The following MCRS1 variants were observed in gnomAD, a reference collection of about 807,000 sequenced individuals.
MCRS1 encodes the protein microspherule protein 1.
Under a neutral mutation model 62.9 loss-of-function variants are expected in MCRS1, and 22 were observed. The observed-to-expected ratio is 0.35, with a 90% CI of 0.25 to 0.50. The LOEUF is 0.50. Among genes scored for constraint, MCRS1 ranks in the 20% least tolerant of loss-of-function variants. MCRS1 has a pLI of 0.98. For synonymous variants in MCRS1, 244 were observed against 233.5 expected (o/e 1.04, Z -0.41); for missense variants, 456 against 601.1 (o/e 0.76, Z 2.52).
At chr12:49,567,043 C>T (rs1374937517) in intron 1 of MCRS1, among the ~76,000 whole-genome samples, 1 of 152,224 alleles carries the variant, frequency 6.6e-6, no homozygotes, top group Non-Finnish European at 1.5e-5. Flanking sequence ...AGTATGATAA[C>T]AGCTATGGAC....
chr12:49,564,989 A>G (rs1938978441), intron 4 of MCRS1, 94 bp from the exon 5 acceptor site: 1 of 1,446,610 alleles, frequency 6.9e-7, no homozygotes. Context: ...TGGCAGCGGC[A>G]GCCCCAGCCC....
At position 49,559,791 on chromosome 12, in the gene MCRS1, C is replaced by T. The variant is rs980463275; in HGVS notation, c.941G>A (p.Arg314Gln). 2.0e-5 allele frequency: 33 copies of T among 1,614,094 alleles called. No homozygotes were observed. The highest frequency in any genetic ancestry group is 2.7e-5 in the African/African-American group (2 of 74,950). Reference protein sequence around the residue: ...ELMVADRRQKREIRQLEQELH... With the variant: ...ELMVADRRQKQEIRQLEQELH... Reference sequence around the variant, plus strand: ...TTCCTGTTCCAGCTGCCGAATCTCTCGCTTCTGGCGCCGGTCAGCCACCAT... The same window carrying T: ...TTCCTGTTCCAGCTGCCGAATCTCTTGCTTCTGGCGCCGGTCAGCCACCAT... The change falls in exon 11 of 15, where the codon CGA (arginine) becomes CAA (glutamine). Residue 314 changes from arginine (R) to glutamine (Q), a missense_variant. Arg to Gln is a conservative substitution (Grantham distance 43). Transcript: ENST00000343810. This position sits in a 1 kb window ranked among gnomAD's most constrained non-coding sequence, Gnocchi z 5.2.
At position 49,559,750 on chromosome 12, in the gene MCRS1, C is replaced by A; in HGVS notation, c.982G>T (p.Val328Leu). 1 of 1,614,206 alleles carries A rather than the reference C, an allele frequency of 6.2e-7. No individual in the cohort carries two copies. ...TCACCTGTGATGCTGTCCACTAGCACCTGCCACTTATGCAGTTCCTGTTCC... is the reference window on the plus strand; with the variant it reads ...TCACCTGTGATGCTGTCCACTAGCAACTGCCACTTATGCAGTTCCTGTTCC... The part of the protein sequence containing the change: ...QLEQELHKWQ[V>L]LVDSITGMSS... The change falls in exon 11 of 15, where the codon GTG (valine) becomes TTG (leucine). Residue 328 changes from valine to leucine, a missense_variant. By Grantham distance (32) the Val-to-Leu change is conservative. Coordinates refer to ENST00000343810, the MANE Select transcript of MCRS1 (RefSeq NM_006337.5). This position sits in a 1 kb window ranked among gnomAD's most constrained non-coding sequence, Gnocchi z 5.2.
chr12:49,559,344 G>T lies in MCRS1; in HGVS notation c.1087-43C>A, dbSNP rs778094784. The T allele has an allele frequency of 1.2e-6, 2 of 1,607,632 alleles. No individual in the cohort carries two copies. Among genetic ancestry groups the T allele is most frequent in the South Asian group, 2.2e-5 (2 of 90,928 alleles). On this transcript the variant is annotated intron_variant, in intron 12 of 14. Coordinates refer to ENST00000343810, the MANE Select transcript of MCRS1 (RefSeq NM_006337.5). The surrounding 1 kb of genome is among the most constrained non-coding windows in gnomAD (Gnocchi z 5.2). ...GTGAGGGCTGGGACCTGAAGAATTG[G>T]GGGAGTAGGTCTATGCAGGCCAGAG...
At chr12:49,563,571 GA>G in intron 6 of MCRS1, 25 bp from the exon 7 acceptor site, 1 of 1,566,928 alleles carries the variant, frequency 6.4e-7, no homozygotes, top group African/African-American at 1.3e-5. Context: ...AGACAGAGGG[GA>G]GGGGTGAAGG....
At chr12:49,562,882 A>G in intron 8 of MCRS1, 119 bp downstream of exon 8, 1 of 1,319,888 alleles carries the variant, frequency 7.6e-7, no homozygotes, top group Non-Finnish European at 1.0e-6. Context: ...TGAACAAGAC[A>G]CTGGGGATCA....
At chr12:49,564,685 G>T (rs371399995) in intron 5 of MCRS1, 52 bp downstream of exon 5, 1 of 1,602,324 alleles carries the variant, frequency 6.2e-7, no homozygotes, top group Middle Eastern at 1.7e-4. Context: ...TTTGGGGTGC[G>T]AACTGGAGGT....
rs767766239 is a variant in MCRS1, at chr12:49,559,516, G to A, written c.1023C>T (p.Phe341=). The change falls in exon 12 of 15, where the codon TTC becomes TTT. Residue 341 remains phenylalanine, a synonymous_variant. Transcript: ENST00000343810. The surrounding 1 kb of genome is among the most constrained non-coding windows in gnomAD (Gnocchi z 5.2). The stretch of plus-strand genomic sequence containing the variant: ...GCAGCACTGCCAGTGTCTGGTTGTC[G>A]AAGTCCGGAGAGCTCATGCCTGGGA... ...DSITGMSSPD[F]DNQTLAVLRG... The A allele has an allele frequency of 8.7e-6, 14 of 1,611,108 alleles. No individual in the cohort carries two copies. Among genetic ancestry groups the A allele is most frequent in the East Asian group, 2.2e-5 (1 of 44,886 alleles).
intron 4 of MCRS1, chr12:49,565,253 G>C (rs1323019603): frequency 1.0e-5 from 10 of 985,286 alleles, no homozygotes; most frequent in Non-Finnish European, 1.2e-5. Flanking sequence ...GCAATGCTGG[G>C]AACAGGCTGT....
rs1938658783 is a variant in MCRS1 at position 49,559,766 on chromosome 12, T to C, written c.966A>G (p.Glu322=). The C allele has an allele frequency of 6.2e-6, 10 of 1,614,210 alleles. No individual in the cohort carries two copies. The Admixed American group carries it at 1.3e-4, about 22-fold the overall frequency. ...CCACTAGCACCTGCCACTTATGCAGTTCCTGTTCCAGCTGCCGAATCTCTC... is the reference window on the plus strand; with the variant it reads ...CCACTAGCACCTGCCACTTATGCAGCTCCTGTTCCAGCTGCCGAATCTCTC... The part of the protein sequence containing the change: ...QKREIRQLEQ[E]LHKWQVLVDS... Residue 322 remains glutamate, a synonymous_variant, in exon 11 of 15, where the codon GAA becomes GAG. Coordinates refer to ENST00000343810, the MANE Select transcript of MCRS1 (RefSeq NM_006337.5). This position sits in a 1 kb window ranked among gnomAD's most constrained non-coding sequence, Gnocchi z 5.2.
chr12:49,564,452 C>T, intron 6 of MCRS1, 29 bp downstream of exon 6: 1 of 1,581,498 alleles, frequency 6.3e-7, no homozygotes, highest in Non-Finnish European at 8.7e-7. Context: ...CCCAGTACCT[C>T]CCCACTGCTG....
In MCRS1 at chr12:49,568,096, G is replaced by C. The variant is rs1939158558; in HGVS notation, c.-159C>G. On this transcript the variant is annotated 5_prime_UTR_variant, in exon 1 of 15. Coordinates refer to ENST00000343810, the MANE Select transcript of MCRS1 (RefSeq NM_006337.5). Reference sequence around the variant, plus strand: ...CAATTTCTCCGCGGCGACGGTAGCAGCCGCAGGGCCAAAGCCGGCTTCCGT... The same window carrying C: ...CAATTTCTCCGCGGCGACGGTAGCACCCGCAGGGCCAAAGCCGGCTTCCGT... The C allele has an allele frequency of 6.6e-6, 1 of 152,250 alleles. No homozygotes were observed. The highest frequency in any genetic ancestry group is 1.5e-5 in the Non-Finnish European group (1 of 68,052). The allele number at this position is 152,250 out of a possible 1,614,324, so 9.4% of individuals were successfully genotyped here.
chr12:49,567,740 G>A (rs929438380), intron 1 of MCRS1: 3 of 152,256 alleles, frequency 2.0e-5, no homozygotes, highest in African/African-American at 7.2e-5. Context: ...GAGCATTGAT[G>A]AAGTCACCTC....
At position 49,558,401 on chromosome 12, in the gene MCRS1, T is replaced by G. The variant is rs1592517282; in HGVS notation, c.*242A>C. On this transcript the variant is annotated 3_prime_UTR_variant, in exon 15 of 15. Transcript: ENST00000343810. ...CAGGAGTGAAGGTGGCAATGGGGGGTAGGGTTGTTTTTAGAGAGAGGAAGA... is the reference window on the plus strand; with the variant it reads ...CAGGAGTGAAGGTGGCAATGGGGGGGAGGGTTGTTTTTAGAGAGAGGAAGA... 1 of 526,880 alleles carries G rather than the reference T, an allele frequency of 1.9e-6. No homozygotes were observed. Among genetic ancestry groups the G allele is most frequent in the South Asian group, 3.3e-5 (1 of 30,696 alleles). 32.6% of individuals were successfully genotyped at this position (526,880 alleles called of 1,614,324 possible).
intron 9 of MCRS1, 27 bp downstream of exon 9, chr12:49,560,268 C>G: frequency 6.2e-7 from 1 of 1,610,792 alleles, no homozygotes; most frequent in Non-Finnish European, 8.5e-7. Context: ...GCTCTCTCCA[C>G]CCCTTCCTGT....
In MCRS1 at chr12:49,558,413, TAG is replaced by T. The variant is rs1378742593; in HGVS notation, c.*228_*229del. On this transcript the variant is annotated 3_prime_UTR_variant, in exon 15 of 15. Coordinates refer to ENST00000343810, the MANE Select transcript of MCRS1 (RefSeq NM_006337.5). ...TGGCAATGGGGGGTAGGGTTGTTTTTAGAGAGAGGAAGATGGGGAGGGGCTCT... is the reference window on the plus strand; with the variant it reads ...TGGCAATGGGGGGTAGGGTTGTTTTTAGAGAGGAAGATGGGGAGGGGCTCT... 1.8e-6 allele frequency: 1 copy of T among 558,928 alleles called. No individual in the cohort carries two copies. Among genetic ancestry groups the T allele is most frequent in the Non-Finnish European group, 3.1e-6 (1 of 318,002 alleles). 34.6% of individuals were successfully genotyped at this position (558,928 alleles called of 1,614,324 possible). A position where few individuals can be genotyped will look rare whatever the true frequency, so the allele number is the denominator to read the frequency against.
intron 3 of MCRS1, 46 bp downstream of exon 3, chr12:49,566,031 G>T (rs751281198): frequency 6.3e-7 from 1 of 1,586,924 alleles, no homozygotes; most frequent in Non-Finnish European, 8.6e-7. Context: ...TAACGCCACA[G>T]ACCTTCTACC....
intron 7 of MCRS1, 143 bp downstream of exon 7, chr12:49,563,295 C>G: frequency 7.3e-7 from 1 of 1,377,220 alleles, no homozygotes; most frequent in South Asian, 1.3e-5. Flanking sequence ...AGGCCCCTGT[C>G]ACAAACGCCC....
rs1395338073 is a variant in MCRS1, at chr12:49,562,993, G to A, written c.805+8C>T. On this transcript the variant is annotated splice_region_variant and intron_variant, in intron 8 of 14. Coordinates refer to ENST00000343810, the MANE Select transcript of MCRS1 (RefSeq NM_006337.5). ...ACACCCCCATTCTGCCAGCTCCTGG[G>A]GCGTTACCTGTCTGGTCCTCCAGCA... is the stretch of plus-strand genomic sequence containing the variant. The A allele has an allele frequency of 6.3e-7, 1 of 1,599,536 alleles. No homozygotes were observed. The highest frequency in any genetic ancestry group is 1.7e-5 in the Admixed American group (1 of 58,946).
Sources: gnomAD v4.1 joint callset for allele counts (sites outside exome capture counted in the v4.1 genomes callset) on GRCh38, gnomAD v4.1.1 for gene constraint, Gnocchi (gnomAD v3.1) non-coding constraint, MANE v1.5 for transcripts, NCBI Gene and HGNC (gene_info 2026-07-23, HGNC 2026-07-21) for gene names.